Variants in KIF19 observed in about 807,000 individuals in gnomAD.
KIF19 encodes the protein kinesin family member 19, also known as kinesin-like protein KIF19.
KIF19 carries 98 observed loss-of-function variants against 106.6 expected under a neutral mutation model. That is an observed-to-expected ratio of 0.92 (90% CI 0.78 to 1.09). The LOEUF (loss-of-function observed/expected upper bound fraction) is 1.09, where lower values mean the gene tolerates loss of function less well. Ranked by LOEUF, KIF19 falls within the 50% of genes least tolerant of loss-of-function variation. The pLI is 0.00. For missense variants in KIF19, 1,373 were observed against 1,414.3 expected, an observed-to-expected ratio of 0.97 and a Z score of 0.47; for synonymous variants, 516 against 584.2, an observed-to-expected ratio of 0.88 and a Z score of 1.68.
chr17:74,338,808 A>C (rs961500571), intron 2 of KIF19, among the ~76,000 whole-genome samples: 3 of 151,970 alleles, frequency 2.0e-5, no homozygotes, highest in African/African-American at 7.2e-5. Flanking sequence ...AGAGGGACCC[A>C]CGAGGATCTC....
chr17:74,340,272 T>C (rs1034969838), intron 2 of KIF19, among the ~76,000 whole-genome samples: 1 of 152,192 alleles, frequency 6.6e-6, no homozygotes, highest in Non-Finnish European at 1.5e-5. Context: ...CATCTTTGAA[T>C]GTCTCCCGTC....
At chr17:74,351,328 C>CAAAAAAAAA (rs66627748) in intron 12 of KIF19, 6 of 79,274 alleles carry the variant, frequency 7.6e-5, no homozygotes, top group Admixed American at 3.8e-4. Flanking sequence ...ACTAAAAATA[C>CAAAAAAAAA]AAAAAAAAAA....
At chr17:74,348,881 T>G (rs2054607813) in intron 9 of KIF19, 1 of 412,694 alleles carries the variant, frequency 2.4e-6, no homozygotes, top group Non-Finnish European at 4.4e-6. Flanking sequence ...AGGACAGGTC[T>G]TCAACTGGAG....
intron 10 of KIF19, 26 bp downstream of exon 10, chr17:74,349,375 G>A (rs1353119297): frequency 6.4e-6 from 10 of 1,563,448 alleles, no homozygotes; most frequent in Non-Finnish European, 7.8e-6. Context: ...TGTGTGAGTG[G>A]CAGCCCCCTC....
chr17:74,354,547 C>T lies in KIF19; in HGVS notation c.2694C>T (p.Val898=). 6.3e-7 allele frequency: 1 copy of T among 1,596,292 alleles called. No homozygotes were observed. Among genetic ancestry groups the T allele is most frequent in the Non-Finnish European group, 8.5e-7 (1 of 1,172,668 alleles). ...AGCGGAGGTCCCGATCCTTCGAGGT[C>T]ACCGGGCAAGGGGTGAGGCGAGGCG... ...RRKRRSRSFE[V]TGQGLSHPKT... is the part of the protein sequence containing the mutation. Residue 898 remains valine (V), a synonymous_variant, in exon 18 of 20, where the codon GTC becomes GTT. Transcript: ENST00000389916.
chr17:74,334,258 A>G (rs931040678), intron 2 of KIF19, among the ~76,000 whole-genome samples: 3 of 152,150 alleles, frequency 2.0e-5, no homozygotes, highest in Non-Finnish European at 4.4e-5. Context: ...TCTAGGTTGC[A>G]AGGATCCTTA....
chr17:74,344,960 G>A lies in KIF19; in HGVS notation c.777+5G>A. 1 of 1,596,016 alleles carries A rather than the reference G, an allele frequency of 6.3e-7. No homozygotes were observed. The highest frequency in any genetic ancestry group is 8.5e-7 in the Non-Finnish European group (1 of 1,173,972). On this transcript the variant is annotated splice_donor_5th_base_variant and intron_variant, in intron 7 of 19. Coordinates refer to ENST00000389916, the MANE Select transcript of KIF19 (RefSeq NM_153209.4). ...GGCTCAGAGCGCGCCTCGCAGGTGA[G>A]GCTGGGACCTGGGCTGGGCAGAGGA... is the stretch of plus-strand genomic sequence containing the variant.
chr17:74,347,645 G>C (rs555484609), intron 8 of KIF19, 132 bp from the exon 9 acceptor site: 3 of 1,032,026 alleles, frequency 2.9e-6, no homozygotes, highest in South Asian at 1.6e-5. Context: ...ACCATATGAC[G>C]CTCAGCAGCC....
At position 74,355,328 on chromosome 17, in the gene KIF19, A is replaced by C. The variant is rs769282159; in HGVS notation, c.*16A>C. Reference sequence around the variant, plus strand: ...GCATAACTGAGGGGCCCTGCCTGGAACTGGCTCTCTCACCTCCCAAGACTG... The same window carrying C: ...GCATAACTGAGGGGCCCTGCCTGGACCTGGCTCTCTCACCTCCCAAGACTG... On this transcript the variant is annotated 3_prime_UTR_variant, in exon 20 of 20. Coordinates refer to ENST00000389916, the MANE Select transcript of KIF19 (RefSeq NM_153209.4). 10 of 1,595,102 alleles carry C rather than the reference A, an allele frequency of 6.3e-6. No homozygotes were observed. Among genetic ancestry groups the C allele is most frequent in the Admixed American group, 5.1e-5 (3 of 58,458 alleles).
chr17:74,347,285 C>T (rs2054559728), intron 8 of KIF19, among the ~76,000 whole-genome samples: 1 of 152,122 alleles, frequency 6.6e-6, no homozygotes, highest in Admixed American at 6.5e-5. Flanking sequence ...GCCTGGAATC[C>T]CAGCACTTTG....
chr17:74,331,899 A>T lies in KIF19; in HGVS notation c.120+3394A>T, dbSNP rs1039684051. On this transcript the variant is annotated intron_variant, in intron 2 of 19. Coordinates refer to ENST00000389916, the MANE Select transcript of KIF19 (RefSeq NM_153209.4). This position sits in a 1 kb window ranked among gnomAD's most constrained non-coding sequence, Gnocchi z 4.1. ...GCCGGTTTGGATTTTTAATGGGGAT[A>T]GTCCAGTTGCCTTGGAAGGCCAGTG... Among the ~76,000 whole-genome samples, 20 of 152,020 alleles carry T rather than the reference A, an allele frequency of 1.3e-4. No individual in the cohort carries two copies. Among genetic ancestry groups the T allele is most frequent in the Non-Finnish European group, 2.5e-4 (17 of 67,994 alleles).
rs1359730046 is a variant in KIF19, at chr17:74,354,387, A to G, written c.2534A>G (p.Asn845Ser). 1.2e-6 allele frequency: 2 copies of G among 1,610,280 alleles called. No homozygotes were observed. Residue 845 changes from asparagine to serine, a missense_variant, in exon 18 of 20, where the codon AAC becomes AGC. This residue lies in a region of KIF19 where 1,020 missense variants were observed against 1,008.2 expected (regional missense o/e 1.01). Coordinates refer to ENST00000389916, the MANE Select transcript of KIF19 (RefSeq NM_153209.4). Reference sequence around the variant, plus strand: ...CTACAGCATGCTGCCAGTGAGGACAACCTGTCCAGCAGCACGGGCGAGGCC... The same window carrying G: ...CTACAGCATGCTGCCAGTGAGGACAGCCTGTCCAGCAGCACGGGCGAGGCC... ...PTLQHAASEDNLSSSTGEAPS... is the reference protein window; with the variant it reads ...PTLQHAASEDSLSSSTGEAPS...
intron 8 of KIF19, among the ~76,000 whole-genome samples, chr17:74,347,466 G>A (rs2054565592): frequency 6.6e-6 from 1 of 151,956 alleles, no homozygotes; most frequent in East Asian, 1.9e-4. Context: ...GGACCTGGGA[G>A]GTGGAGGTTG....
intron 10 of KIF19, among the ~76,000 whole-genome samples, chr17:74,349,925 A>G (rs1209955225): frequency 6.6e-6 from 1 of 151,914 alleles, no homozygotes; most frequent in African/African-American, 2.4e-5. Flanking sequence ...CAGCCTCCCA[A>G]GTAGCTGGGA....
At position 74,355,620 on chromosome 17, in the gene KIF19, G is replaced by A. The variant is rs1397506122; in HGVS notation, c.*308G>A. 9 of 278,286 alleles carry A rather than the reference G, an allele frequency of 3.2e-5. No individual in the cohort carries two copies. Among genetic ancestry groups the A allele is most frequent in the African/African-American group, 6.5e-5 (3 of 46,022 alleles). The allele number at this position is 278,286 out of a possible 1,614,324, so 17.2% of individuals were successfully genotyped here. On this transcript the variant is annotated 3_prime_UTR_variant, in exon 20 of 20. Coordinates refer to ENST00000389916, the MANE Select transcript of KIF19 (RefSeq NM_153209.4). ...TGAGGCCAGCCTCGGCCTTGGTAAC[G>A]GAGGAAAGCAGCTGACAGTGAGACG...
chr17:74,353,816 A>G (rs1174782294), intron 17 of KIF19, among the ~76,000 whole-genome samples: 1 of 152,248 alleles, frequency 6.6e-6, no homozygotes, highest in East Asian at 1.9e-4. Context: ...AAATTAGAAA[A>G]GAGACATGTG....
chr17:74,328,737 C>A (rs1181946725), intron 2 of KIF19: 1 of 467,936 alleles, frequency 2.1e-6, no homozygotes, highest in African/African-American at 2.0e-5. Flanking sequence ...CCTGGGTGGG[C>A]CCTGATCCTT....
chr17:74,349,442 G>A (rs2054631055), intron 10 of KIF19, 93 bp downstream of exon 10: 4 of 1,309,344 alleles, frequency 3.1e-6, no homozygotes, highest in Non-Finnish European at 4.1e-6. Context: ...TCCAGAATCG[G>A]GCTCTTTCTG....
chr17:74,350,366 C>T, intron 10 of KIF19, 35 bp from the exon 11 acceptor site: 1 of 1,539,484 alleles, frequency 6.5e-7, no homozygotes, highest in Non-Finnish European at 8.8e-7. Flanking sequence ...GAACTTGCCG[C>T]CTCCTCTACC....
Sources: allele counts gnomAD v4.1 joint callset (sites outside exome capture counted in the v4.1 genomes callset), GRCh38; gene constraint gnomAD v4.1.1; regional missense constraint gnomAD v4.1.1; non-coding constraint Gnocchi (gnomAD v3.1); transcripts MANE v1.5; gene names NCBI Gene and HGNC (gene_info 2026-07-23, HGNC 2026-07-21).